Variants in LTBP1 observed in about 807,000 individuals in gnomAD.
LTBP1 encodes latent transforming growth factor beta binding protein 1.
In LTBP1, 129 loss-of-function variants were observed where a neutral mutation model predicts 207.6. That is an observed-to-expected ratio of 0.62 (90% CI 0.54 to 0.72). LTBP1 has a LOEUF of 0.72. Ranked by LOEUF, LTBP1 falls within the 30% of genes least tolerant of loss-of-function variation. The pLI is 0.00. For missense variants in LTBP1, 2,281 were observed against 2,217.2 expected (o/e 1.03, Z -0.58); for synonymous variants, 963 against 833.7 (o/e 1.16, Z -2.67).
intron 24 of LTBP1, among the ~76,000 whole-genome samples, chr2:33,327,247 C>T (rs999648769): frequency 5.3e-5 from 8 of 152,148 alleles, no homozygotes; most frequent in African/African-American, 1.2e-4. Context: ...ATCTTTTGAA[C>T]ATGAAATAGG....
intron 3 of LTBP1, among the ~76,000 whole-genome samples, chr2:33,025,118 G>A (rs1202870964): frequency 1.3e-5 from 2 of 152,152 alleles, no homozygotes; most frequent in African/African-American, 4.8e-5. Context: ...TAGGGAGAGC[G>A]AGGAGAAGGC....
chr2:33,387,232 A>G (rs1475969218), intron 31 of LTBP1, among the ~76,000 whole-genome samples: 1 of 152,250 alleles, frequency 6.6e-6, no homozygotes, highest in African/African-American at 2.4e-5. Context: ...ACAAATGTAT[A>G]TAAAAAATAA....
chr2:33,296,042 T>G, intron 20 of LTBP1, among the ~76,000 whole-genome samples: 1 of 152,208 alleles, frequency 6.6e-6, no homozygotes, highest in East Asian at 1.9e-4. Flanking sequence ...ACTGATTCCT[T>G]AAGCCAGGTA....
intron 3 of LTBP1, among the ~76,000 whole-genome samples, chr2:33,105,375 A>G (rs542159342): frequency 6.6e-6 from 1 of 152,340 alleles, no homozygotes; most frequent in Non-Finnish European, 1.5e-5. Context: ...ATTAAAATGT[A>G]AAAATACCTT....
At chr2:32,985,551 C>A (rs770190044) in intron 2 of LTBP1, among the ~76,000 whole-genome samples, 1 of 152,186 alleles carries the variant, frequency 6.6e-6, no homozygotes, top group East Asian at 1.9e-4. Flanking sequence ...ACAATGAGCC[C>A]TCTGACCTGG....
intron 3 of LTBP1, among the ~76,000 whole-genome samples, chr2:33,045,261 T>G (rs1309567930): frequency 2.0e-5 from 3 of 152,230 alleles, no homozygotes; most frequent in Non-Finnish European, 4.4e-5. Flanking sequence ...TACATTTAAG[T>G]CTTTAGTCCA....
At chr2:33,076,677 C>T (rs1390836077) in intron 3 of LTBP1, among the ~76,000 whole-genome samples, 1 of 152,116 alleles carries the variant, frequency 6.6e-6, no homozygotes, top group African/African-American at 2.4e-5. Context: ...GCTGGGATTA[C>T]AGGCCCGCAC....
intron 24 of LTBP1, among the ~76,000 whole-genome samples, chr2:33,323,518 G>C (rs1452087096): frequency 6.6e-6 from 1 of 152,066 alleles, no homozygotes; most frequent in Non-Finnish European, 1.5e-5. Flanking sequence ...CACACCTATA[G>C]TCCAGCTACT....
chr2:33,313,068 A>T (rs1245278172), intron 23 of LTBP1, among the ~76,000 whole-genome samples: 2 of 152,226 alleles, frequency 1.3e-5, no homozygotes, highest in Non-Finnish European at 2.9e-5. Flanking sequence ...ATAGGTAGAG[A>T]ACAAACATAG....
At chr2:33,375,216 T>C (rs1005724718) in intron 31 of LTBP1, among the ~76,000 whole-genome samples, 11 of 152,164 alleles carry the variant, frequency 7.2e-5, no homozygotes, top group African/African-American at 2.7e-4. Flanking sequence ...TGGGAGAGGA[T>C]TGGCCTACAG....
At chr2:33,384,160 G>A (rs886155016) in intron 31 of LTBP1, among the ~76,000 whole-genome samples, 12 of 152,182 alleles carry the variant, frequency 7.9e-5, no homozygotes, top group African/African-American at 2.9e-4. Flanking sequence ...CAACAGCAGG[G>A]GCCCCACACC....
chr2:33,210,282 A>G (rs2061026), intron 7 of LTBP1, among the ~76,000 whole-genome samples: 77,641 of 152,006 alleles, frequency 0.51, 20,045 homozygotes, highest in African/African-American at 0.55. Context: ...AGTACAGTCA[A>G]TGGGCCTCCA....
intron 3 of LTBP1, among the ~76,000 whole-genome samples, chr2:33,037,139 C>T (rs1462444223): frequency 6.6e-6 from 1 of 151,788 alleles, no homozygotes; most frequent in Non-Finnish European, 1.5e-5. Flanking sequence ...TGTCTTAGCA[C>T]TATTTATTGA....
At chr2:32,963,319 C>A (rs1254203103) in intron 2 of LTBP1, among the ~76,000 whole-genome samples, 2 of 152,088 alleles carry the variant, frequency 1.3e-5, no homozygotes, top group Non-Finnish European at 2.9e-5. Flanking sequence ...ATCCTCGTGC[C>A]TCAGCCCCCC....
intron 3 of LTBP1, chr2:33,063,033 C>T (rs1006123046): frequency 2.0e-5 from 3 of 152,194 alleles, no homozygotes; most frequent in African/African-American, 7.2e-5. Flanking sequence ...ACTGAAACAG[C>T]AGAAAGCAAA....
At chr2:32,965,542 C>G (rs1679846941) in intron 2 of LTBP1, among the ~76,000 whole-genome samples, 1 of 152,190 alleles carries the variant, frequency 6.6e-6, no homozygotes, top group South Asian at 2.1e-4. Flanking sequence ...ATAGTTTTGC[C>G]TCTTCCAGAA....
chr2:33,011,931 T>A (rs1687725654), intron 2 of LTBP1, among the ~76,000 whole-genome samples: 2 of 152,150 alleles, frequency 1.3e-5, no homozygotes, highest in African/African-American at 4.8e-5. Flanking sequence ...GTTATTTATT[T>A]CTCTCCGATT....
intron 7 of LTBP1, among the ~76,000 whole-genome samples, chr2:33,205,505 G>C (rs1288428805): frequency 1.3e-5 from 2 of 152,212 alleles, no homozygotes; most frequent in African/African-American, 2.4e-5. Context: ...GAGGTGAGCA[G>C]AGGACTCTGC....
chr2:33,203,070 A>G (rs866198983), intron 7 of LTBP1, among the ~76,000 whole-genome samples: 2 of 151,738 alleles, frequency 1.3e-5, no homozygotes, highest in Non-Finnish European at 2.9e-5. Context: ...AGTGTTACTG[A>G]GTCTCTTGTG....
Sources: gnomAD v4.1 joint callset for allele counts (sites outside exome capture counted in the v4.1 genomes callset) on GRCh38, gnomAD v4.1.1 for gene constraint, MANE v1.5 for transcripts, NCBI Gene and HGNC (gene_info 2026-07-23, HGNC 2026-07-21) for gene names.